POLI: variants seen among roughly 807,000 people sequenced by gnomAD.
The protein encoded by POLI is DNA polymerase iota.
Under a neutral mutation model 51.6 loss-of-function variants are expected in POLI, and 58 were observed. That is an observed-to-expected ratio of 1.12 (90% CI 0.91 to 1.40). The LOEUF is 1.40. POLI is among the 40% of genes most tolerant of loss of function. The probability of loss-of-function intolerance (pLI) is 0.00; values close to 1 mark genes in which losing one functional copy is unlikely to be tolerated. For synonymous variants in POLI, 322 were observed against 299.7 expected, an observed-to-expected ratio of 1.07 and a Z score of -0.77; for missense variants, 921 against 871.3, an observed-to-expected ratio of 1.06 and a Z score of -0.72.
chr18:54,271,558 G>C (rs2144431144), intron 2 of POLI, 73 bp downstream of exon 2: 2 of 1,045,636 alleles, frequency 1.9e-6, no homozygotes, highest in South Asian at 3.5e-5. Context: ...ATTATATACT[G>C]ATTTATTAAC....
In POLI at chr18:54,294,815, ATTT is replaced by A. The variant is rs34024782; in HGVS notation, c.*362_*364del. 0.2 allele frequency: 182,943 copies of A among 902,850 alleles called. 6,272 individuals are homozygous for A. Among genetic ancestry groups the A allele is most frequent in the Middle Eastern group, 0.23 (407 of 1,744 alleles). The allele number at this position is 902,850 out of a possible 1,614,324, so 55.9% of individuals were successfully genotyped here. On this transcript the variant is annotated 3_prime_UTR_variant, in exon 10 of 10. Coordinates refer to ENST00000579534, the MANE Select transcript of POLI (RefSeq NM_007195.3). Reference sequence around the variant, plus strand: ...GTTGCAATGATATGGTAAAGGACACATTTTTTTTTTTTTTTTCCTGTGAAATGT... The same window carrying A: ...GTTGCAATGATATGGTAAAGGACACATTTTTTTTTTTTTCCTGTGAAATGT...
At chr18:54,292,762 G>A (rs1023907983) in intron 9 of POLI, among the ~76,000 whole-genome samples, 5 of 152,076 alleles carry the variant, frequency 3.3e-5, no homozygotes, top group Non-Finnish European at 7.4e-5. Context: ...ACAGGATAGT[G>A]TATGGAAATA....
Position 54,297,249 on chromosome 18 carries a change from T to A in POLI, c.*2782T>A, listed in dbSNP as rs534285919. On this transcript the variant is annotated 3_prime_UTR_variant, in exon 10 of 10. Coordinates refer to ENST00000579534, the MANE Select transcript of POLI (RefSeq NM_007195.3). ...CAAGCTTGCTTCTTGCTTGATGCTTTCTGCTGCTTTCTTGCTTTTGTTTCA... is the reference window on the plus strand; with the variant it reads ...CAAGCTTGCTTCTTGCTTGATGCTTACTGCTGCTTTCTTGCTTTTGTTTCA... 2.0e-6 allele frequency: 2 copies of A among 985,090 alleles called. No individual in the cohort carries two copies. The highest frequency in any genetic ancestry group is 2.4e-6 in the Non-Finnish European group (2 of 829,890). 61.0% of individuals were successfully genotyped at this position (985,090 alleles called of 1,614,324 possible). A position where few individuals can be genotyped will look rare whatever the true frequency, so the allele number is the denominator to read the frequency against.
At chr18:54,287,461 A>C (rs2087802072) in intron 8 of POLI, 50 bp downstream of exon 8, 1 of 1,453,136 alleles carries the variant, frequency 6.9e-7, no homozygotes, top group Non-Finnish European at 9.5e-7. Context: ...ACTCTTAAAT[A>C]AGCCAACTTT....
At chr18:54,308,384 T>G (rs1017277066) in intron 3 of POLI, among the ~76,000 whole-genome samples, 1 of 152,214 alleles carries the variant, frequency 6.6e-6, no homozygotes, top group African/African-American at 2.4e-5. Context: ...GGAAATTCTT[T>G]TCTTTAAGAA....
Position 54,293,821 on chromosome 18 carries a change from G to A in POLI, c.1577G>A (p.Gly526Asp). 2 of 1,609,384 alleles carry A rather than the reference G, an allele frequency of 1.2e-6. No homozygotes were observed. The change falls in exon 10 of 10, where the codon GGT (glycine) becomes GAT (aspartate). Residue 526 changes from glycine to aspartate, a missense_variant. Transcript: ENST00000579534. ...TTCCCACTCTGTTCACTTCCTGAAG[G>A]TGTTGACCAAGAAGTCTTCAAGCAG... is the stretch of plus-strand genomic sequence containing the variant. Reference protein sequence around the residue: ...NEFPLCSLPEGVDQEVFKQLP... With the variant: ...NEFPLCSLPEDVDQEVFKQLP...
At chr18:54,285,731 G>A (rs963376036) in intron 7 of POLI, among the ~76,000 whole-genome samples, 1 of 151,832 alleles carries the variant, frequency 6.6e-6, no homozygotes, top group Non-Finnish European at 1.5e-5. Flanking sequence ...TCTTTGAATT[G>A]CATAATTAAT....
intron 3 of POLI, among the ~76,000 whole-genome samples, chr18:54,305,515 G>A (rs1276361690): frequency 9.7e-6 from 1 of 103,010 alleles, no homozygotes; most frequent in African/African-American, 3.3e-5. Flanking sequence ...TATTCTCTTT[G>A]TAGCAATTGT....
Position 54,285,675 on chromosome 18 carries a change from T to G in POLI, c.1068-1606T>G, listed in dbSNP as rs116567506. 6.5e-3 allele frequency among the ~76,000 whole-genome samples: 984 copies of G among 152,274 alleles called. 6 individuals carry two copies. Among genetic ancestry groups the G allele is most frequent in the Middle Eastern group, 0.037 (11 of 294 alleles). ...CCTCTAGGCACTAGTTTAAGATTGC[T>G]TACGATACAGCCTTTTTCTAATGTG... On this transcript the variant is annotated intron_variant, in intron 7 of 9. Transcript: ENST00000579534.
intron 9 of POLI, 62 bp downstream of exon 9, chr18:54,292,100 A>T: frequency 1.0e-6 from 1 of 982,594 alleles, no homozygotes; most frequent in East Asian, 2.4e-5. Context: ...GTGTGGTTAC[A>T]TTACAAATCT....
At chr18:54,291,672 A>G (rs759780028) in intron 8 of POLI, 161 bp from the exon 9 acceptor site, 11 of 435,710 alleles carry the variant, frequency 2.5e-5, no homozygotes, top group Non-Finnish European at 4.0e-5. Context: ...TCTTTTGAAA[A>G]TTTTTAACCA....
chr18:54,291,198 T>C (rs1036221465), intron 8 of POLI, among the ~76,000 whole-genome samples: 1 of 152,182 alleles, frequency 6.6e-6, no homozygotes, highest in Non-Finnish European at 1.5e-5. Context: ...CCAAATCTCC[T>C]GGTGACATAT....
chr18:54,294,180 T>G lies in POLI; in HGVS notation c.1936T>G (p.Phe646Val). Residue 646 changes from phenylalanine to valine, a missense_variant, in exon 10 of 10, where the codon TTT becomes GTT. Physicochemically the swap from Phe to Val is conservative, Grantham distance 50 (BLOSUM62 -1). Transcript: ENST00000579534. ...QGPKEPQGFHFTNSNPAVSAF... is the reference protein window; with the variant it reads ...QGPKEPQGFHVTNSNPAVSAF... ...ACCTAAAGAACCTCAAGGATTCCAC[T>G]TTACAAATTCAAACCCTGCTGTGTC... The G allele has an allele frequency of 6.2e-7, 1 of 1,613,028 alleles. No homozygotes were observed. Among genetic ancestry groups the G allele is most frequent in the Non-Finnish European group, 8.5e-7 (1 of 1,179,208 alleles).
intron 3 of POLI, among the ~76,000 whole-genome samples, chr18:54,275,625 AT>A (rs1354572057): frequency 6.6e-6 from 1 of 152,198 alleles, no homozygotes; most frequent in African/African-American, 2.4e-5. Context: ...TCTCATATTC[AT>A]CATATAGATG....
Position 54,280,649 on chromosome 18 carries a change from C to T in POLI, c.560-18C>T. On this transcript the variant is annotated intron_variant, in intron 4 of 9. Transcript: ENST00000579534. ...AGGTTTTTCTTGTGACTTTGAATGA[C>T]ATTTGTTGTTTTTAAAGCTATAAAC... 6.7e-7 allele frequency: 1 copy of T among 1,496,994 alleles called. No homozygotes were observed. The highest frequency in any genetic ancestry group is 1.1e-5 in the South Asian group (1 of 87,462). 92.7% of individuals were successfully genotyped at this position (1,496,994 alleles called of 1,614,324 possible). A position where few individuals can be genotyped will look rare whatever the true frequency, so the allele number is the denominator to read the frequency against.
At chr18:54,281,263 CTT>C (rs1214696163) in intron 5 of POLI, among the ~76,000 whole-genome samples, 1 of 152,078 alleles carries the variant, frequency 6.6e-6, no homozygotes, top group Non-Finnish European at 1.5e-5. Context: ...TTTACTAACT[CTT>C]TTGGGATTAC....
intron 3 of POLI, among the ~76,000 whole-genome samples, chr18:54,318,095 C>A (rs1057399261): frequency 6.6e-6 from 1 of 152,038 alleles, no homozygotes; most frequent in Non-Finnish European, 1.5e-5. Context: ...AGCTAGCTCA[C>A]AGTTCTGAGA....
upstream of POLI, chr18:54,269,505 G>A (rs1157712578): frequency 1.6e-5 from 24 of 1,501,370 alleles, no homozygotes; most frequent in Non-Finnish European, 1.9e-5. Context: ...TGGAGACCAG[G>A]CGGAAGCGGC....
intron 1 of POLI, chr18:54,269,866 C>T: frequency 1.5e-6 from 2 of 1,322,134 alleles, no homozygotes; most frequent in South Asian, 2.1e-5. Flanking sequence ...TAGGGTGGGG[C>T]GCGTCCACAC....
Sources: allele counts gnomAD v4.1 joint callset (sites outside exome capture counted in the v4.1 genomes callset), GRCh38; gene constraint gnomAD v4.1.1; transcripts MANE v1.5; gene names NCBI Gene and HGNC (gene_info 2026-07-23, HGNC 2026-07-21).